Variants in MTUS2 observed in about 807,000 individuals in gnomAD.
MTUS2 encodes the protein microtubule associated scaffold protein 2, also known as microtubule-associated tumor suppressor candidate 2.
In MTUS2, 40 loss-of-function variants were observed where a neutral mutation model predicts 114.1. The ratio of observed to expected loss-of-function variants is 0.35; its 90% CI spans 0.27 to 0.46. The LOEUF (loss-of-function observed/expected upper bound fraction) is 0.46. Among genes scored for constraint, MTUS2 ranks in the 20% least tolerant of loss-of-function variants. The pLI is 1.00. For synonymous variants in MTUS2, 688 were observed against 672.0 expected (o/e 1.02, Z -0.37); for missense variants, 1,679 against 1,705.4 (o/e 0.98, Z 0.27).
chr13:29,043,497 T>C (rs1203351795), intron 4 of MTUS2, among the ~76,000 whole-genome samples: 1 of 152,108 alleles, frequency 6.6e-6, no homozygotes, highest in African/African-American at 2.4e-5. Flanking sequence ...ACTTTCTGTC[T>C]TCATGACCTG....
intron 8 of MTUS2, among the ~76,000 whole-genome samples, chr13:29,427,651 C>A (rs147395758): frequency 6.6e-6 from 1 of 152,150 alleles, no homozygotes; most frequent in Non-Finnish European, 1.5e-5. Flanking sequence ...TAAATACTTG[C>A]CTTTCTCTGA....
chr13:29,157,611 A>G (rs372407624), intron 5 of MTUS2, among the ~76,000 whole-genome samples: 107 of 152,258 alleles, frequency 7.0e-4, no homozygotes, highest in African/African-American at 2.3e-3. Context: ...CGTGGCTGCT[A>G]TGGGCTTCCA....
chr13:29,178,047 G>T (rs1893847807), intron 5 of MTUS2, among the ~76,000 whole-genome samples: 1 of 152,172 alleles, frequency 6.6e-6, no homozygotes, highest in Non-Finnish European at 1.5e-5. Context: ...ATTGTTGTCT[G>T]CAGTGCCCCG....
chr13:29,413,103 TTCAGCTAA>T (rs1319821478), intron 8 of MTUS2, among the ~76,000 whole-genome samples: 9 of 152,224 alleles, frequency 5.9e-5, no homozygotes, highest in Non-Finnish European at 1.2e-4. Context: ...CCTAGGTAAA[TTCAGCTAA>T]TCAGCTAATC....
At chr13:29,293,176 A>G (rs1333544658) in intron 6 of MTUS2, among the ~76,000 whole-genome samples, 1 of 152,176 alleles carries the variant, frequency 6.6e-6, no homozygotes, top group African/African-American at 2.4e-5. Context: ...GTTGAGGAAG[A>G]TGATAAACTG....
At chr13:28,959,332 C>T (rs1049765614) in intron 2 of MTUS2, among the ~76,000 whole-genome samples, 3 of 152,164 alleles carry the variant, frequency 2.0e-5, no homozygotes, top group Non-Finnish European at 4.4e-5. Flanking sequence ...TGACCCACTG[C>T]AGTGGTGTCA....
At chr13:29,281,949 A>C in intron 6 of MTUS2, 84 bp downstream of exon 6, 3 of 1,404,274 alleles carry the variant, frequency 2.1e-6, no homozygotes, top group Non-Finnish European at 2.9e-6. Flanking sequence ...CCCTGTGTAC[A>C]TCAGTTATTT....
At chr13:29,478,745 T>C (rs938553073) in intron 9 of MTUS2, among the ~76,000 whole-genome samples, 1 of 152,124 alleles carries the variant, frequency 6.6e-6, no homozygotes, top group Non-Finnish European at 1.5e-5. Flanking sequence ...CCTGATTGCA[T>C]TGGGAGATCA....
chr13:29,413,341 C>G (rs866458264), intron 8 of MTUS2, among the ~76,000 whole-genome samples: 1 of 151,808 alleles, frequency 6.6e-6, no homozygotes, highest in Non-Finnish European at 1.5e-5. Context: ...GACCTAAAAC[C>G]ATAAAAACCC....
chr13:28,923,946 C>T (rs1412543990), intron 2 of MTUS2, among the ~76,000 whole-genome samples: 4 of 152,106 alleles, frequency 2.6e-5, no homozygotes, highest in Non-Finnish European at 5.9e-5. Context: ...CCCTCCCCAC[C>T]GTGATTCTCA....
intron 8 of MTUS2, among the ~76,000 whole-genome samples, chr13:29,418,936 A>G (rs1457987924): frequency 1.3e-5 from 2 of 152,182 alleles, no homozygotes; most frequent in East Asian, 3.8e-4. Flanking sequence ...CACTATGGCT[A>G]CCTTTTGGTC....
intron 4 of MTUS2, among the ~76,000 whole-genome samples, chr13:29,084,165 G>A (rs79149409): frequency 0.014 from 2,080 of 152,242 alleles, 24 homozygotes; most frequent in South Asian, 0.033. Context: ...TTCAAATTGT[G>A]TTAAAGTTAA....
At chr13:29,265,967 A>G (rs997267657) in intron 5 of MTUS2, among the ~76,000 whole-genome samples, 2 of 152,180 alleles carry the variant, frequency 1.3e-5, no homozygotes, top group Non-Finnish European at 2.9e-5. Flanking sequence ...GAGTAAAGAC[A>G]GATGGAAAAA....
At chr13:29,312,939 G>A (rs1409327703) in intron 6 of MTUS2, among the ~76,000 whole-genome samples, 2 of 152,188 alleles carry the variant, frequency 1.3e-5, no homozygotes, top group Non-Finnish European at 2.9e-5. Context: ...AAAATGTCAG[G>A]AATTCACCTA....
At chr13:29,220,138 G>A (rs1441306121) in intron 5 of MTUS2, among the ~76,000 whole-genome samples, 1 of 152,010 alleles carries the variant, frequency 6.6e-6, no homozygotes, top group Non-Finnish European at 1.5e-5. Flanking sequence ...TGGGGTTACA[G>A]GCACCCGCCA....
intron 1 of MTUS2, among the ~76,000 whole-genome samples, 170 bp downstream of exon 1, chr13:28,820,781 TCAC>T (rs1271001783): frequency 6.6e-6 from 1 of 152,158 alleles, no homozygotes; most frequent in Non-Finnish European, 1.5e-5. Flanking sequence ...CCTGCCCACA[TCAC>T]CTGCTCTGGC....
At chr13:29,020,360 A>G (rs959247429) in intron 2 of MTUS2, among the ~76,000 whole-genome samples, 3 of 152,158 alleles carry the variant, frequency 2.0e-5, no homozygotes, top group East Asian at 1.9e-4. Flanking sequence ...ATTATGTACA[A>G]GTTTGAACTT....
chr13:29,041,023 T>C (rs572858012), intron 4 of MTUS2, among the ~76,000 whole-genome samples: 3 of 152,288 alleles, frequency 2.0e-5, no homozygotes, highest in Non-Finnish European at 4.4e-5. Flanking sequence ...GGTCATAAAA[T>C]CCTTGCCTAC....
chr13:29,259,806 G>T (rs1897402806), intron 5 of MTUS2, among the ~76,000 whole-genome samples: 1 of 152,350 alleles, frequency 6.6e-6, no homozygotes, highest in East Asian at 1.9e-4. Flanking sequence ...TCAGAGGCCA[G>T]GAGAGGGGAG....
Sources: gnomAD v4.1 joint callset for allele counts (sites outside exome capture counted in the v4.1 genomes callset) on GRCh38, gnomAD v4.1.1 for gene constraint, MANE v1.5 for transcripts, NCBI Gene and HGNC (gene_info 2026-07-23, HGNC 2026-07-21) for gene names.